RGS9: variants seen among roughly 807,000 people sequenced by gnomAD.
RGS9 encodes the protein regulator of G-protein signalling 9.
In RGS9, 78 loss-of-function variants were observed where a neutral mutation model predicts 102.0. That is an observed-to-expected ratio of 0.76 (90% CI 0.64 to 0.92). The LOEUF (loss-of-function observed/expected upper bound fraction) is 0.92, where lower values mean the gene tolerates loss of function less well. Ranked by LOEUF, RGS9 falls within the 40% of genes least tolerant of loss-of-function variation. RGS9 has a pLI of 0.00. For synonymous variants in RGS9, 353 were observed against 318.6 expected, an observed-to-expected ratio of 1.11 and a Z score of -1.15; for missense variants, 833 against 866.1, an observed-to-expected ratio of 0.96 and a Z score of 0.48.
chr17:65,149,188 G>A (rs1476546627), intron 1 of RGS9, among the ~76,000 whole-genome samples: 1 of 151,708 alleles, frequency 6.6e-6, no homozygotes, highest in Admixed American at 6.6e-5. Flanking sequence ...TGGCCAGGCT[G>A]GTCTCGAACT....
At chr17:65,187,989 G>A (rs937209003) in intron 9 of RGS9, among the ~76,000 whole-genome samples, 4 of 152,132 alleles carry the variant, frequency 2.6e-5, no homozygotes, top group Admixed American at 2.6e-4. Context: ...GAGAGACTCT[G>A]TCTCAACAAC....
At chr17:65,163,200 A>T in intron 7 of RGS9, 111 bp downstream of exon 7, 2 of 493,704 alleles carry the variant, frequency 4.1e-6, no homozygotes, top group South Asian at 3.0e-5. Flanking sequence ...TTTGAGACAG[A>T]GTCTTGCTCT....
At chr17:65,181,327 C>T (rs1911877243) in intron 9 of RGS9, among the ~76,000 whole-genome samples, 1 of 152,172 alleles carries the variant, frequency 6.6e-6, no homozygotes, top group South Asian at 2.1e-4. Flanking sequence ...TTGATAATAG[C>T]CATTCTGACT....
At chr17:65,141,170 A>G (rs370012270) in intron 1 of RGS9, among the ~76,000 whole-genome samples, 2 of 152,158 alleles carry the variant, frequency 1.3e-5, no homozygotes, top group East Asian at 3.9e-4. Context: ...CTCGTTTCAG[A>G]TGTGGTAGAA....
Position 65,168,190 on chromosome 17 carries a change from G to C in RGS9, c.501-10G>C, listed in dbSNP as rs772423962. 2 of 1,601,662 alleles carry C rather than the reference G, an allele frequency of 1.2e-6. No homozygotes were observed. The highest frequency in any genetic ancestry group is 2.2e-5 in the East Asian group (1 of 44,622). ...CTTCCTGGCCTTACACGTGGCTTTT[G>C]GCTTTCCAGGGCTGGAAAGGAGAGG... On this transcript the variant is annotated splice_polypyrimidine_tract_variant and intron_variant, in intron 7 of 18. Coordinates refer to ENST00000262406, the MANE Select transcript of RGS9 (RefSeq NM_003835.4).
chr17:65,209,295 C>G (rs1455214945), intron 16 of RGS9, among the ~76,000 whole-genome samples: 2 of 152,216 alleles, frequency 1.3e-5, no homozygotes, highest in Non-Finnish European at 2.9e-5. Context: ...TAGCTCCAAG[C>G]CTTCCTCTTG....
In RGS9 at chr17:65,225,203, G is replaced by C. The variant is rs1366092995; in HGVS notation, c.1609G>C (p.Glu537Gln). 2 of 1,613,054 alleles carry C rather than the reference G, an allele frequency of 1.2e-6. No individual in the cohort carries two copies. Among genetic ancestry groups the C allele is most frequent in the African/African-American group, 2.7e-5 (2 of 75,038 alleles). The change falls in exon 18 of 19, where the codon GAG becomes CAG. Residue 537 changes from glutamate (E) to glutamine (Q), a missense_variant. Glu to Gln is a conservative substitution (Grantham distance 29, BLOSUM62 2). Coordinates refer to ENST00000262406, the MANE Select transcript of RGS9 (RefSeq NM_003835.4). ...GGCCTTGGAGAGCTCATCGGGCTTGGAGCAGAAAGGGGAGTGCAGCGGGTC... is the reference window on the plus strand; with the variant it reads ...GGCCTTGGAGAGCTCATCGGGCTTGCAGCAGAAAGGGGAGTGCAGCGGGTC... ...RVALESSSGLEQKGECSGSMA... is the reference protein window; with the variant it reads ...RVALESSSGLQQKGECSGSMA...
chr17:65,219,862 A>T (rs925633717), intron 17 of RGS9, among the ~76,000 whole-genome samples: 1 of 151,718 alleles, frequency 6.6e-6, no homozygotes, highest in Non-Finnish European at 1.5e-5. Flanking sequence ...CACCATCACT[A>T]TCACCATCAT....
intron 18 of RGS9, 100 bp downstream of exon 18, chr17:65,225,586 T>TGG: frequency 6.5e-7 from 1 of 1,549,454 alleles, no homozygotes; most frequent in South Asian, 1.1e-5. Flanking sequence ...CTGGGATGGG[T>TGG]GAGAACAGAT....
chr17:65,177,419 C>T (rs1911686787), intron 8 of RGS9, among the ~76,000 whole-genome samples: 1 of 152,168 alleles, frequency 6.6e-6, no homozygotes, highest in South Asian at 2.1e-4. Flanking sequence ...ATGCATCCCA[C>T]TATGGTGCTG....
At chr17:65,162,309 G>T (rs1008584137) in intron 6 of RGS9, among the ~76,000 whole-genome samples, 2 of 152,150 alleles carry the variant, frequency 1.3e-5, no homozygotes, top group Admixed American at 6.5e-5. Context: ...TTGAGCCCAG[G>T]AGTTTGAGGC....
intron 8 of RGS9, among the ~76,000 whole-genome samples, chr17:65,172,563 TA>T (rs995948246): frequency 9.9e-5 from 15 of 151,946 alleles, no homozygotes; most frequent in Non-Finnish European, 1.9e-4. Flanking sequence ...AAATAAAAAA[TA>T]AAAAAAATTA....
Position 65,173,126 on chromosome 17 carries a change from G to A in RGS9, c.583-4606G>A, listed in dbSNP as rs1911483467. Among the ~76,000 whole-genome samples, 1 of 151,916 alleles carries A rather than the reference G, an allele frequency of 6.6e-6. No homozygotes were observed. The highest frequency in any genetic ancestry group is 2.4e-5 in the African/African-American group (1 of 41,356). On this transcript the variant is annotated intron_variant, in intron 8 of 18. Coordinates refer to ENST00000262406, the MANE Select transcript of RGS9 (RefSeq NM_003835.4). The surrounding 1 kb of genome is among the most constrained non-coding windows in gnomAD (Gnocchi z 4.8). ...TTTAGTAGAGATGGGTTTTCACTGT[G>A]TTGGCCAGGCTGGTCTCGAACTCCT...
intron 17 of RGS9, among the ~76,000 whole-genome samples, chr17:65,218,496 G>A (rs1161969209): frequency 1.3e-5 from 2 of 152,200 alleles, no homozygotes; most frequent in African/African-American, 2.4e-5. Flanking sequence ...GTAGGGGAAG[G>A]AATGTGGACT....
rs1909957476 is a variant in RGS9 at position 65,137,603 on chromosome 17, C to T, written c.57+6C>T. 6.2e-7 allele frequency: 1 copy of T among 1,613,614 alleles called. No homozygotes were observed. The highest frequency in any genetic ancestry group is 8.5e-7 in the Non-Finnish European group (1 of 1,179,898). On this transcript the variant is annotated splice_donor_region_variant and intron_variant, in intron 1 of 18. Coordinates refer to ENST00000262406, the MANE Select transcript of RGS9 (RefSeq NM_003835.4). ...GGATGGCATTTCTCCAAAAGGTAAC[C>T]CTGGCCCCTCACCTGGACCCTGGGA...
At chr17:65,146,400 A>T (rs1402912315) in intron 1 of RGS9, among the ~76,000 whole-genome samples, 4 of 151,272 alleles carry the variant, frequency 2.6e-5, no homozygotes, top group Non-Finnish European at 5.9e-5. Flanking sequence ...CCATCCTGGC[A>T]AACCTGGTGA....
chr17:65,189,093 C>G, intron 9 of RGS9, 193 bp from the exon 10 acceptor site: 1 of 610,624 alleles, frequency 1.6e-6, no homozygotes, highest in Non-Finnish European at 2.9e-6. Flanking sequence ...TACAAAATCT[C>G]TTGCTTGGTA....
At chr17:65,177,030 TG>T (rs1373739273) in intron 8 of RGS9, among the ~76,000 whole-genome samples, 1 of 144,046 alleles carries the variant, frequency 6.9e-6, no homozygotes, top group African/African-American at 2.6e-5. Context: ...CTCACTATGG[TG>T]CTGGGGATGC....
chr17:65,152,194 T>C (rs1910604298), intron 1 of RGS9, among the ~76,000 whole-genome samples: 1 of 152,146 alleles, frequency 6.6e-6, no homozygotes, highest in African/African-American at 2.4e-5. Flanking sequence ...AGTTGGTCTC[T>C]TGCGAAGACT....
Sources: allele counts gnomAD v4.1 joint callset (sites outside exome capture counted in the v4.1 genomes callset), GRCh38; gene constraint gnomAD v4.1.1; non-coding constraint Gnocchi (gnomAD v3.1); transcripts MANE v1.5; gene names NCBI Gene and HGNC (gene_info 2026-07-23, HGNC 2026-07-21).